CEP290: variants seen among roughly 807,000 people sequenced by gnomAD.
The protein encoded by CEP290 is centrosomal protein 290, also known as centrosomal protein of 290 kDa.
Under a neutral mutation model 344.9 loss-of-function variants are expected in CEP290, and 317 were observed. The observed-to-expected ratio is 0.92, with a 90% CI of 0.84 to 1.01. The LOEUF is 1.01. CEP290 is among the 50% of genes least tolerant of loss of function. The pLI is 0.00. For synonymous variants in CEP290, 932 were observed against 895.8 expected (o/e 1.04, Z -0.72); for missense variants, 2,754 against 2,761.4 (o/e 1.00, Z 0.06).
chr12:88,098,894 T>G (rs1345722092), intron 26 of CEP290, among the ~76,000 whole-genome samples: 1 of 151,650 alleles, frequency 6.6e-6, no homozygotes, highest in African/African-American at 2.4e-5. Context: ...TAAGCAAAAA[T>G]AAGAGTCAAT....
At chr12:88,057,627 G>C (rs2034116820) in intron 49 of CEP290, among the ~76,000 whole-genome samples, 1 of 151,300 alleles carries the variant, frequency 6.6e-6, no homozygotes, top group Non-Finnish European at 1.5e-5. Flanking sequence ...GTGAGAGCTA[G>C]AGTGGAGAAG....
Position 88,081,134 on chromosome 12 carries a change from C to A in CEP290, c.5013-739G>T, listed in dbSNP as rs1161083598. ...GCCTTGTGCATGATAGGATGTTTAG[C>A]AGCATCTTTTGATTCTACCCACTGG... On this transcript the variant is annotated intron_variant, in intron 37 of 53. Transcript: ENST00000552810. Among the ~76,000 whole-genome samples, 5 of 152,184 alleles carry A rather than the reference C, an allele frequency of 3.3e-5. No homozygotes were observed. In the East Asian group the frequency reaches 9.7e-4, roughly 29 times the overall value.
At chr12:88,134,718 T>C (rs1046957988) in intron 6 of CEP290, among the ~76,000 whole-genome samples, 1 of 152,182 alleles carries the variant, frequency 6.6e-6, no homozygotes, top group African/African-American at 2.4e-5. Flanking sequence ...ATATGACAAG[T>C]ATCAAATAAG....
At chr12:88,069,564 G>A (rs1176680953) in intron 43 of CEP290, among the ~76,000 whole-genome samples, 1 of 152,152 alleles carries the variant, frequency 6.6e-6, no homozygotes, top group African/African-American at 2.4e-5. Flanking sequence ...CAGATGTCAA[G>A]AGAAAGAAAA....
chr12:88,050,619 T>C (rs1241783111), intron 52 of CEP290, among the ~76,000 whole-genome samples, 186 bp from the exon 53 acceptor site: 3 of 152,212 alleles, frequency 2.0e-5, no homozygotes, highest in Admixed American at 6.5e-5. Context: ...TCAAGTATTA[T>C]AATTTCATAG....
In CEP290 at chr12:88,128,081, G is replaced by A. The variant is rs75539588; in HGVS notation, c.942+865C>T. Reference sequence around the variant, plus strand: ...CTGCTTTTGTAAATAAAATTTTACCGGAAAACCACCTTGCTCACTCATTTA... The same window carrying A: ...CTGCTTTTGTAAATAAAATTTTACCAGAAAACCACCTTGCTCACTCATTTA... On this transcript the variant is annotated intron_variant, in intron 11 of 53. Transcript: ENST00000552810. Among the ~76,000 whole-genome samples, 1,048 of 152,074 alleles carry A rather than the reference G, an allele frequency of 6.9e-3. 17 individuals are homozygous for A. Among genetic ancestry groups the A allele is most frequent in the African/African-American group, 0.024 (1,008 of 41,508 alleles).
chr12:88,095,727 C>G (rs1318998461), intron 27 of CEP290, among the ~76,000 whole-genome samples: 1 of 152,104 alleles, frequency 6.6e-6, no homozygotes, highest in Non-Finnish European at 1.5e-5. Flanking sequence ...CCTTGAATAG[C>G]TCTAACGTCT....
intron 18 of CEP290, chr12:88,115,493 T>C: frequency 7.7e-7 from 1 of 1,300,888 alleles, no homozygotes; most frequent in Non-Finnish European, 1.0e-6. Flanking sequence ...CTGCCTGGCT[T>C]CTGTGATGTT....
rs1213124542 is a variant in CEP290, at chr12:88,115,113, T to C, written c.1894A>G (p.Lys632Glu). The C allele has an allele frequency of 2.8e-6, 4 of 1,446,378 alleles. No homozygotes were observed. Among genetic ancestry groups the C allele is most frequent in the East Asian group, 2.3e-5 (1 of 43,222 alleles). 89.6% of individuals were successfully genotyped at this position (1,446,378 alleles called of 1,614,324 possible). A position where few individuals can be genotyped will look rare whatever the true frequency, so the allele number is the denominator to read the frequency against. The change falls in exon 19 of 54, where the codon AAA becomes GAA. Residue 632 changes from lysine to glutamate, a missense_variant. Physicochemically the swap from Lys to Glu is moderately conservative, Grantham distance 56 (BLOSUM62 1). Coordinates refer to ENST00000552810, the MANE Select transcript of CEP290 (RefSeq NM_025114.4). ...DLERSRTVIA[K>E]FQNKLKELVE... The stretch of plus-strand genomic sequence containing the variant: ...TGTAACTTACATTTATTCTGAAATT[T>C]GGCTATCACTGTCCTACTCCTTTCT...
chr12:88,049,455 A>T, intron 53 of CEP290, 41 bp from the exon 54 acceptor site: 1 of 1,027,474 alleles, frequency 9.7e-7, no homozygotes, highest in Non-Finnish European at 1.4e-6. Flanking sequence ...TATAGGAAAT[A>T]TACATATTTT....
intron 47 of CEP290, 100 bp from the exon 48 acceptor site, chr12:88,060,120 C>T: frequency 1.9e-6 from 2 of 1,057,930 alleles, no homozygotes; most frequent in Non-Finnish European, 1.3e-6. Context: ...GTTTTAGAAA[C>T]CATATTTGAT....
At chr12:88,079,974 G>A (rs777451393) in intron 38 of CEP290, among the ~76,000 whole-genome samples, 10 of 151,904 alleles carry the variant, frequency 6.6e-5, no homozygotes, top group Admixed American at 3.3e-4. Context: ...TCAGATTGAC[G>A]AAAACATAAA....
At position 88,084,437 on chromosome 12, in the gene CEP290, A is replaced by G. The variant is rs1348873380; in HGVS notation, c.4704+149T>C. ...CACAAACTTCCAGTTTTACTGACAG[A>G]GGTGTAATCCAATCACATGCAAGTA... On this transcript the variant is annotated intron_variant, in intron 35 of 53. Coordinates refer to ENST00000552810, the MANE Select transcript of CEP290 (RefSeq NM_025114.4). The G allele has an allele frequency of 8.3e-6, 6 of 720,222 alleles. No homozygotes were observed. In the African/African-American group the frequency reaches 1.1e-4, roughly 13 times the overall value. 44.6% of individuals were successfully genotyped at this position (720,222 alleles called of 1,614,324 possible).
intron 48 of CEP290, 101 bp downstream of exon 48, chr12:88,059,797 T>C: frequency 1.1e-6 from 1 of 929,670 alleles, no homozygotes; most frequent in African/African-American, 1.7e-5. Context: ...TCTTAATATC[T>C]ACCTTTACAG....
At chr12:88,136,904 A>G in intron 5 of CEP290, 118 bp from the exon 6 acceptor site, 1 of 900,148 alleles carries the variant, frequency 1.1e-6, no homozygotes, top group Non-Finnish European at 1.7e-6. Flanking sequence ...CAGTGCAGAT[A>G]TTTAAAATCA....
intron 26 of CEP290, among the ~76,000 whole-genome samples, 181 bp downstream of exon 26, chr12:88,102,657 G>A (rs967153243): frequency 5.9e-5 from 9 of 151,998 alleles, no homozygotes; most frequent in Non-Finnish European, 1.2e-4. Context: ...GTGTGTGTGT[G>A]TGTTATGTGG....
At chr12:88,098,038 G>A (rs951357560) in intron 26 of CEP290, among the ~76,000 whole-genome samples, 3 of 152,136 alleles carry the variant, frequency 2.0e-5, no homozygotes, top group Non-Finnish European at 4.4e-5. Flanking sequence ...CGATTACGGT[G>A]GCTCACACCT....
At chr12:88,088,919 A>G in intron 31 of CEP290, 113 bp downstream of exon 31, 2 of 639,348 alleles carry the variant, frequency 3.1e-6, no homozygotes, top group Non-Finnish European at 5.0e-6. Flanking sequence ...GGCTGAGGCT[A>G]GAGAGTCCCT....
At chr12:88,094,966 T>C (rs769828658) in intron 27 of CEP290, among the ~76,000 whole-genome samples, 8 of 152,180 alleles carry the variant, frequency 5.3e-5, no homozygotes, top group Non-Finnish European at 8.8e-5. Flanking sequence ...AGTACTTCAT[T>C]ATGTTCTGTA....
Sources: gnomAD v4.1 joint callset for allele counts (sites outside exome capture counted in the v4.1 genomes callset) on GRCh38, gnomAD v4.1.1 for gene constraint, MANE v1.5 for transcripts, NCBI Gene and HGNC (gene_info 2026-07-23, HGNC 2026-07-21) for gene names.